Variants in CAMTA1 observed in about 807,000 individuals in gnomAD.
The protein encoded by CAMTA1 is calmodulin-binding transcription activator 1.
In CAMTA1, 27 loss-of-function variants were observed where a neutral mutation model predicts 170.9. The ratio of observed to expected loss-of-function variants is 0.16; its 90% CI spans 0.12 to 0.22. The LOEUF is 0.22. Among genes scored for constraint, CAMTA1 ranks in the 10% least tolerant of loss-of-function variants. CAMTA1 has a pLI of 1.00. For synonymous variants in CAMTA1, 833 were observed against 891.5 expected, an observed-to-expected ratio of 0.93 and a Z score of 1.17; for missense variants, 1,619 against 2,217.2, an observed-to-expected ratio of 0.73 and a Z score of 5.42.
Position 7,752,500 on chromosome 1 carries a change from A to G in CAMTA1, c.4925A>G (p.Lys1642Arg). The G allele has an allele frequency of 6.2e-7, 1 of 1,612,836 alleles. No homozygotes were observed. Among genetic ancestry groups the G allele is most frequent in the Non-Finnish European group, 8.5e-7 (1 of 1,179,510 alleles). Residue 1642 changes from lysine to arginine, a missense_variant, in exon 21 of 23, where the codon AAA becomes AGA. Coordinates refer to ENST00000303635, the MANE Select transcript of CAMTA1 (RefSeq NM_015215.4). ...LTKKQDQAAR[K>R]IMRFLRRCRH... ...AAAAAGCAGGATCAAGCTGCTCGAAAAATAATGAGGTTTCTTCGCCGCTGT... is the reference window on the plus strand; with the variant it reads ...AAAAAGCAGGATCAAGCTGCTCGAAGAATAATGAGGTTTCTTCGCCGCTGT...
chr1:6,863,555 G>A (rs932145353), intron 3 of CAMTA1, among the ~76,000 whole-genome samples: 1 of 152,170 alleles, frequency 6.6e-6, no homozygotes, highest in Non-Finnish European at 1.5e-5. Context: ...TTCCTCCCAC[G>A]TCCCCTTCCG....
Position 7,443,614 on chromosome 1 carries a change from C to T in CAMTA1, c.439-24216C>T, listed in dbSNP as rs372007735. ...CATATTGAGTGGCACAGAGGAGGCTCGCAAGCAGAGATGATTGCAGTGCCC... is the reference window on the plus strand; with the variant it reads ...CATATTGAGTGGCACAGAGGAGGCTTGCAAGCAGAGATGATTGCAGTGCCC... On this transcript the variant is annotated intron_variant, in intron 5 of 22. Transcript: ENST00000303635. This position sits in a 1 kb window ranked among gnomAD's most constrained non-coding sequence, Gnocchi z 4.1. 1.5e-4 allele frequency among the ~76,000 whole-genome samples: 23 copies of T among 152,158 alleles called. No individual in the cohort carries two copies. The South Asian group carries it at 1.9e-3, about 12-fold the overall frequency.
intron 1 of CAMTA1, among the ~76,000 whole-genome samples, chr1:6,789,257 G>C (rs1489395468): frequency 6.6e-6 from 1 of 152,164 alleles, no homozygotes; most frequent in Non-Finnish European, 1.5e-5. Context: ...CTGCTCAGCT[G>C]TGTTTTCTGT....
At chr1:7,358,948 C>A (rs973567402) in intron 5 of CAMTA1, among the ~76,000 whole-genome samples, 5 of 152,070 alleles carry the variant, frequency 3.3e-5, no homozygotes, top group Non-Finnish European at 5.9e-5. Flanking sequence ...GCCCTGGGGG[C>A]CCTGGAGCCT....
At chr1:7,154,589 G>A (rs1573505284) in intron 4 of CAMTA1, among the ~76,000 whole-genome samples, 1 of 152,186 alleles carries the variant, frequency 6.6e-6, no homozygotes, top group Non-Finnish European at 1.5e-5. Context: ...TCCTGTGCGT[G>A]TGATACTTGC....
chr1:7,393,042 T>C (rs1389256601), intron 5 of CAMTA1, among the ~76,000 whole-genome samples: 1 of 135,094 alleles, frequency 7.4e-6, no homozygotes, highest in Non-Finnish European at 1.6e-5. Context: ...GACAGAGTGA[T>C]ACTATATCTC....
intron 6 of CAMTA1, among the ~76,000 whole-genome samples, chr1:7,518,978 C>A (rs74672239): frequency 0.019 from 2,960 of 152,124 alleles, 78 homozygotes; most frequent in South Asian, 0.077. Flanking sequence ...AGGAGCAGAG[C>A]CCTCCTGGGG....
At chr1:7,179,588 A>G (rs886902257) in intron 4 of CAMTA1, among the ~76,000 whole-genome samples, 2 of 152,226 alleles carry the variant, frequency 1.3e-5, no homozygotes, top group Admixed American at 6.5e-5. Flanking sequence ...ACTGGACATT[A>G]TTAACAAAAA....
Position 7,167,602 on chromosome 1 carries a change from T to G in CAMTA1, c.302+76231T>G, listed in dbSNP as rs915421378. On this transcript the variant is annotated intron_variant, in intron 4 of 22. Coordinates refer to ENST00000303635, the MANE Select transcript of CAMTA1 (RefSeq NM_015215.4). ...TCACCTATTCTTGGCCTTTGCTGTTTCATGAACATTACGGAAGATAATCTT... is the reference window on the plus strand; with the variant it reads ...TCACCTATTCTTGGCCTTTGCTGTTGCATGAACATTACGGAAGATAATCTT... 6.4e-4 allele frequency among the ~76,000 whole-genome samples: 98 copies of G among 152,340 alleles called. 1 individual carries two copies. The highest frequency in any genetic ancestry group is 2.4e-3 in the African/African-American group (98 of 41,584).
In CAMTA1 at chr1:7,325,942, G is replaced by A. The variant is rs887139457; in HGVS notation, c.438+76316G>A. Among the ~76,000 whole-genome samples the A allele has an allele frequency of 2.6e-5, 4 of 152,184 alleles. No individual in the cohort carries two copies. The highest frequency in any genetic ancestry group is 7.2e-5 in the African/African-American group (3 of 41,530). ...GGTGTAATCTTGGCTCATTGCAACC[G>A]CTGCCTCCCAGGTTCAAGTGATTCT... On this transcript the variant is annotated intron_variant, in intron 5 of 22. Transcript: ENST00000303635. This position sits in a 1 kb window ranked among gnomAD's most constrained non-coding sequence, Gnocchi z 5.0.
chr1:6,871,314 G>A (rs1668348925), intron 3 of CAMTA1, among the ~76,000 whole-genome samples: 1 of 152,102 alleles, frequency 6.6e-6, no homozygotes, highest in Non-Finnish European at 1.5e-5. Context: ...CTGTCTTCTA[G>A]AACATTGTTA....
intron 7 of CAMTA1, among the ~76,000 whole-genome samples, chr1:7,651,071 A>C (rs2095845897): frequency 6.6e-6 from 1 of 152,166 alleles, no homozygotes; most frequent in Admixed American, 6.5e-5. Context: ...TAAGGAGAGC[A>C]GCCACACGTC....
intron 6 of CAMTA1, among the ~76,000 whole-genome samples, chr1:7,504,056 C>T (rs1309283894): frequency 6.6e-6 from 1 of 152,108 alleles, no homozygotes; most frequent in African/African-American, 2.4e-5. Flanking sequence ...CAGCCTCAGC[C>T]GAGACTGGCC....
intron 22 of CAMTA1, among the ~76,000 whole-genome samples, chr1:7,763,440 A>G (rs756540429): frequency 9.2e-5 from 14 of 152,094 alleles, no homozygotes; most frequent in Non-Finnish European, 1.8e-4. Flanking sequence ...CATTGTTCTC[A>G]TTTTTCCTGC....
chr1:6,864,472 T>C (rs1371526961), intron 3 of CAMTA1, among the ~76,000 whole-genome samples: 1 of 152,176 alleles, frequency 6.6e-6, no homozygotes, highest in Non-Finnish European at 1.5e-5. Flanking sequence ...CTTCTTGTTG[T>C]ACTTGAGATA....
In CAMTA1 at chr1:7,485,132, T is replaced by C. The variant is rs143954795; in HGVS notation, c.510+17231T>C. Among the ~76,000 whole-genome samples, 779 of 152,336 alleles carry C rather than the reference T, an allele frequency of 5.1e-3. 8 individuals carry two copies. The highest frequency in any genetic ancestry group is 0.018 in the African/African-American group (728 of 41,584). On this transcript the variant is annotated intron_variant, in intron 6 of 22. Transcript: ENST00000303635. Reference sequence around the variant, plus strand: ...CAGAATTCCACAGGAGGATCTTCTCTGGCTGCCCATCCCCAGTCCCCCACC... The same window carrying C: ...CAGAATTCCACAGGAGGATCTTCTCCGGCTGCCCATCCCCAGTCCCCCACC...
chr1:7,278,606 C>G (rs1671071431), intron 5 of CAMTA1, among the ~76,000 whole-genome samples: 1 of 152,206 alleles, frequency 6.6e-6, no homozygotes, highest in African/African-American at 2.4e-5. Flanking sequence ...ATCCGTGGAT[C>G]AAATGCCAGG....
intron 6 of CAMTA1, among the ~76,000 whole-genome samples, chr1:7,513,894 C>A (rs2094240137): frequency 6.6e-6 from 1 of 152,124 alleles, no homozygotes; most frequent in Non-Finnish European, 1.5e-5. Context: ...TGCACTCCAG[C>A]CTGGGCGACA....
At chr1:6,957,463 T>G (rs2149503388) in intron 3 of CAMTA1, among the ~76,000 whole-genome samples, 1 of 152,308 alleles carries the variant, frequency 6.6e-6, no homozygotes, top group South Asian at 2.1e-4. Flanking sequence ...CTGTGTTCTA[T>G]TCTGGACTCT....
Sources: gnomAD v4.1 joint callset for allele counts (sites outside exome capture counted in the v4.1 genomes callset) on GRCh38, gnomAD v4.1.1 for gene constraint, Gnocchi (gnomAD v3.1) non-coding constraint, MANE v1.5 for transcripts, NCBI Gene and HGNC (gene_info 2026-07-23, HGNC 2026-07-21) for gene names.